EDIL3: variants seen among roughly 807,000 people sequenced by gnomAD.
The protein encoded by EDIL3 is EGF like and discoidin domains 3.
A neutral mutation model predicts 67.4 loss-of-function variants in EDIL3; 37 were observed. The observed-to-expected ratio is 0.55, with a 90% CI of 0.42 to 0.72. EDIL3 has a LOEUF of 0.72. EDIL3 is among the 30% of genes least tolerant of loss of function. EDIL3 has a pLI of 0.00. For missense variants in EDIL3, 527 were observed against 586.3 expected, an observed-to-expected ratio of 0.90 and a Z score of 1.04; for synonymous variants, 195 against 196.3, an observed-to-expected ratio of 0.99 and a Z score of 0.05.
At chr5:84,100,949 C>T (rs10054450) in intron 6 of EDIL3, among the ~76,000 whole-genome samples, 36,598 of 151,494 alleles carry the variant, frequency 0.24, 4,714 homozygotes, top group East Asian at 0.34. Flanking sequence ...CTTTTTCTTT[C>T]GCCAAAAAAA....
chr5:84,057,383 C>T (rs919433644), intron 9 of EDIL3, among the ~76,000 whole-genome samples: 2 of 141,262 alleles, frequency 1.4e-5, no homozygotes, highest in Non-Finnish European at 3.1e-5. Context: ...TACCAACCTC[C>T]TGAGCTACTT....
At chr5:84,160,213 C>G (rs1197277886) in intron 4 of EDIL3, among the ~76,000 whole-genome samples, 2 of 152,116 alleles carry the variant, frequency 1.3e-5, no homozygotes, top group Non-Finnish European at 2.9e-5. Flanking sequence ...GCACTTAATA[C>G]ATGTACTTGT....
intron 2 of EDIL3, among the ~76,000 whole-genome samples, chr5:84,241,811 A>C (rs1744798641): frequency 6.6e-6 from 1 of 152,060 alleles, no homozygotes; most frequent in Non-Finnish European, 1.5e-5. Flanking sequence ...TTCTGCATGT[A>C]GCTTTAAAAT....
intron 9 of EDIL3, among the ~76,000 whole-genome samples, chr5:83,992,606 A>T (rs536109855): frequency 6.6e-6 from 1 of 152,304 alleles, no homozygotes; most frequent in South Asian, 2.1e-4. Context: ...TATTATTAAA[A>T]TTGTGTTCAT....
chr5:84,250,262 G>A (rs567071908), intron 2 of EDIL3, among the ~76,000 whole-genome samples: 1 of 152,290 alleles, frequency 6.6e-6, no homozygotes, highest in African/African-American at 2.4e-5. Context: ...ATAACTCTAA[G>A]AGGCTGAGCA....
rs189070822 is a variant in EDIL3 at position 84,164,900 on chromosome 5, C to T, written c.355+15493G>A. 7.2e-5 allele frequency among the ~76,000 whole-genome samples: 11 copies of T among 152,022 alleles called. No individual in the cohort carries two copies. The East Asian group carries it at 1.2e-3, about 16-fold the overall frequency. ...CCTGAGGAAGTAGAAATCCTAGGAGCGTTTTTGGAGGATCTGGGCCTGGCA... is the reference window on the plus strand; with the variant it reads ...CCTGAGGAAGTAGAAATCCTAGGAGTGTTTTTGGAGGATCTGGGCCTGGCA... On this transcript the variant is annotated intron_variant, in intron 4 of 10. Transcript: ENST00000296591.
intron 6 of EDIL3, among the ~76,000 whole-genome samples, chr5:84,094,678 C>A (rs191703708): frequency 6.6e-6 from 1 of 152,124 alleles, no homozygotes; most frequent in Admixed American, 6.5e-5. Flanking sequence ...TTCTCAATCC[C>A]ACTGTTAACA....
chr5:84,065,501 T>G (rs1466711963), intron 7 of EDIL3, among the ~76,000 whole-genome samples: 1 of 152,054 alleles, frequency 6.6e-6, no homozygotes, highest in African/African-American at 2.4e-5. Flanking sequence ...TAAATTCATT[T>G]AAGGGGGTAA....
At chr5:84,117,884 C>T (rs1399301522) in intron 5 of EDIL3, among the ~76,000 whole-genome samples, 1 of 151,944 alleles carries the variant, frequency 6.6e-6, no homozygotes, top group Non-Finnish European at 1.5e-5. Context: ...TATTCATTAC[C>T]ACAAAATAAA....
chr5:84,371,573 G>T (rs918137761), intron 1 of EDIL3, among the ~76,000 whole-genome samples: 4 of 150,664 alleles, frequency 2.7e-5, no homozygotes, highest in African/African-American at 9.7e-5. Context: ...GCAGAAATTT[G>T]TGTGTTGCAT....
At chr5:83,971,723 G>T (rs375150035) in intron 9 of EDIL3, among the ~76,000 whole-genome samples, 2 of 151,816 alleles carry the variant, frequency 1.3e-5, no homozygotes, top group African/African-American at 4.8e-5. Context: ...GAGTCCTGGT[G>T]TTTGTCACAT....
At chr5:84,096,519 T>G (rs1411262102) in intron 6 of EDIL3, among the ~76,000 whole-genome samples, 1 of 152,196 alleles carries the variant, frequency 6.6e-6, no homozygotes, top group Admixed American at 6.5e-5. Context: ...CCATTTGGAA[T>G]GGCCGTATTT....
intron 3 of EDIL3, among the ~76,000 whole-genome samples, chr5:84,184,950 T>A (rs1214881696): frequency 6.6e-6 from 1 of 152,212 alleles, no homozygotes; most frequent in Non-Finnish European, 1.5e-5. Context: ...TCAGTGACTT[T>A]CATTTAATGG....
chr5:84,180,529 A>T lies in EDIL3; in HGVS notation c.227-8T>A. On this transcript the variant is annotated splice_polypyrimidine_tract_variant and splice_region_variant and intron_variant, in intron 3 of 10. Transcript: ENST00000296591. ...GATTAGGAGTGCAGGGACCTGAAAG[A>T]CAGAAAAAAATATTTCTGCTTGATG... The T allele has an allele frequency of 6.4e-7, 1 of 1,559,368 alleles. No individual in the cohort carries two copies. The highest frequency in any genetic ancestry group is 8.6e-7 in the Non-Finnish European group (1 of 1,159,236).
chr5:84,380,914 TAG>T (rs753354350), intron 1 of EDIL3, among the ~76,000 whole-genome samples: 2 of 151,986 alleles, frequency 1.3e-5, no homozygotes, highest in Admixed American at 6.6e-5. Context: ...CACATGTATC[TAG>T]AGAGAAAAGC....
chr5:84,344,052 C>T (rs1404616546), intron 1 of EDIL3, among the ~76,000 whole-genome samples: 1 of 151,958 alleles, frequency 6.6e-6, no homozygotes, highest in African/African-American at 2.4e-5. Flanking sequence ...AAAAATGTTG[C>T]CTACCTATCT....
At chr5:84,205,641 G>C (rs982089272) in intron 3 of EDIL3, among the ~76,000 whole-genome samples, 2 of 151,922 alleles carry the variant, frequency 1.3e-5, no homozygotes, top group East Asian at 3.9e-4. Flanking sequence ...TTAGTCTTGG[G>C]AGAGTGTATG....
At chr5:84,333,996 T>C (rs1329351930) in intron 1 of EDIL3, among the ~76,000 whole-genome samples, 2 of 151,458 alleles carry the variant, frequency 1.3e-5, no homozygotes, top group South Asian at 2.1e-4. Context: ...CAGTAGCCAA[T>C]GAATTTCATT....
chr5:84,080,244 C>G (rs1369763708), intron 6 of EDIL3, among the ~76,000 whole-genome samples: 3 of 140,296 alleles, frequency 2.1e-5, no homozygotes, highest in Non-Finnish European at 4.6e-5. Flanking sequence ...TGAAGTGAGC[C>G]GAGATCGCGC....
Sources: allele counts gnomAD v4.1 joint callset (sites outside exome capture counted in the v4.1 genomes callset), GRCh38; gene constraint gnomAD v4.1.1; transcripts MANE v1.5; gene names NCBI Gene and HGNC (gene_info 2026-07-23, HGNC 2026-07-21).